PNPT1: variants seen among roughly 807,000 people sequenced by gnomAD.
PNPT1 encodes polyribonucleotide nucleotidyltransferase 1, mitochondrial.
PNPT1 carries 53 observed loss-of-function variants against 119.5 expected under a neutral mutation model. The observed-to-expected ratio is 0.44, with a 90% CI of 0.36 to 0.56. The LOEUF is 0.56. Ranked by LOEUF, PNPT1 falls within the 20% of genes least tolerant of loss-of-function variation. PNPT1 has a pLI of 0.00. For synonymous variants in PNPT1, 357 were observed against 322.1 expected (o/e 1.11, Z -1.16); for missense variants, 948 against 938.5 (o/e 1.01, Z -0.13).
chr2:55,683,727 G>C (rs1697315336), intron 5 of PNPT1, 58 bp downstream of exon 5: 6 of 1,442,618 alleles, frequency 4.2e-6, no homozygotes, highest in Non-Finnish European at 5.8e-6. Flanking sequence ...ATATTACAGA[G>C]ATTCATTAAG....
intron 1 of PNPT1, among the ~76,000 whole-genome samples, chr2:55,693,210 T>C (rs1697678358): frequency 6.6e-6 from 1 of 152,168 alleles, no homozygotes; most frequent in Non-Finnish European, 1.5e-5. Flanking sequence ...GAGTGGGACG[T>C]GGGGGACCCG....
intron 8 of PNPT1, among the ~76,000 whole-genome samples, chr2:55,679,079 T>C (rs1559108765): frequency 6.6e-6 from 1 of 152,292 alleles, no homozygotes; most frequent in African/African-American, 2.4e-5. Context: ...TCCAGGTCAT[T>C]CTGACTGCTA....
Position 55,662,007 on chromosome 2 carries a change from A to C in PNPT1, c.1196T>G (p.Phe399Cys), listed in dbSNP as rs572197911. Reference protein sequence around the residue: ...GQTQVLCTVTFDSLESGIKSD... With the variant: ...GQTQVLCTVTCDSLESGIKSD... ...CTTAATACCAGATTCTAATGAATCA[A>C]ATGTAACGGTACAAAGCACCTAAAA... The change falls in exon 14 of 28, where the codon TTT becomes TGT. Residue 399 changes from phenylalanine to cysteine, a missense_variant. Physicochemically the swap from Phe to Cys is radical, Grantham distance 205 (BLOSUM62 -2). Coordinates refer to ENST00000447944, the MANE Select transcript of PNPT1 (RefSeq NM_033109.5). The C allele has an allele frequency of 1.9e-6, 3 of 1,579,388 alleles. No individual in the cohort carries two copies. In the South Asian group the frequency reaches 3.6e-5, roughly 19 times the overall value.
At chr2:55,646,552 GAAACATTTCAAA>G in intron 19 of PNPT1, 66 bp from the exon 20 acceptor site, 1 of 1,333,952 alleles carries the variant, frequency 7.5e-7, no homozygotes, top group Non-Finnish European at 1.0e-6. Context: ...ATTCACTGTA[GAAACATTTCAAA>G]AAACAGCTTT....
At chr2:55,660,358 G>T (rs1484344265) in intron 14 of PNPT1, among the ~76,000 whole-genome samples, 165 bp from the exon 15 acceptor site, 2 of 152,174 alleles carry the variant, frequency 1.3e-5, no homozygotes, top group Non-Finnish European at 2.9e-5. Context: ...ATGATTGTGA[G>T]ATGATATTTT....
chr2:55,687,301 G>T (rs1228992048), intron 2 of PNPT1, among the ~76,000 whole-genome samples: 1 of 151,824 alleles, frequency 6.6e-6, no homozygotes, highest in African/African-American at 2.4e-5. Context: ...TTAGCTGGGT[G>T]TGGTGGTGCA....
chr2:55,663,419 TAGA>T (rs922640988), intron 13 of PNPT1, among the ~76,000 whole-genome samples: 10 of 152,296 alleles, frequency 6.6e-5, no homozygotes, highest in South Asian at 4.1e-4. Flanking sequence ...GTTGCAATTC[TAGA>T]AGAAGAGAGA....
In PNPT1 at chr2:55,649,700, A is replaced by T. The variant is rs137950105; in HGVS notation, c.1496-2247T>A. Among the ~76,000 whole-genome samples, 20 of 152,294 alleles carry T rather than the reference A, an allele frequency of 1.3e-4. No homozygotes were observed. The East Asian group carries it at 3.9e-3, about 29-fold the overall frequency. ...CCACTGTTTTCCATAAAATCCTTCA[A>T]GTTCCCCATTGCCTACTTTCAGGAA... On this transcript the variant is annotated intron_variant, in intron 18 of 27. Transcript: ENST00000447944.
chr2:55,668,942 TTAATC>T lies in PNPT1; in HGVS notation c.977-989_977-985del, dbSNP rs368334293. ...AGTAGACACCCTCACTCTTTTGCCT[TTAATC>T]TAAATCTGCAAATTGGGGAAAAATT... is the stretch of plus-strand genomic sequence containing the variant. On this transcript the variant is annotated intron_variant, in intron 11 of 27. Coordinates refer to ENST00000447944, the MANE Select transcript of PNPT1 (RefSeq NM_033109.5). Among the ~76,000 whole-genome samples the T allele has an allele frequency of 2.5e-4, 38 of 152,352 alleles. 2 individuals carry two copies. In the East Asian group the frequency reaches 7.1e-3, roughly 29 times the overall value.
At chr2:55,681,310 G>A (rs2104159045) in intron 5 of PNPT1, among the ~76,000 whole-genome samples, 1 of 152,236 alleles carries the variant, frequency 6.6e-6, no homozygotes, top group Admixed American at 6.5e-5. Context: ...AGGAGGCTGA[G>A]GCAGAAGAAT....
At chr2:55,674,536 T>C (rs1697007221) in intron 8 of PNPT1, among the ~76,000 whole-genome samples, 1 of 152,130 alleles carries the variant, frequency 6.6e-6, no homozygotes, top group Admixed American at 6.6e-5. Flanking sequence ...GAGGTTGCAG[T>C]GAGCTGAGAT....
At chr2:55,692,889 C>T (rs1480023238) in intron 1 of PNPT1, among the ~76,000 whole-genome samples, 1 of 152,054 alleles carries the variant, frequency 6.6e-6, no homozygotes, top group African/African-American at 2.4e-5. Flanking sequence ...GGTGTGAGCG[C>T]CTGACCTTTT....
At chr2:55,683,475 T>C (rs982889149) in intron 5 of PNPT1, among the ~76,000 whole-genome samples, 2 of 151,990 alleles carry the variant, frequency 1.3e-5, no homozygotes, top group East Asian at 1.9e-4. Context: ...TAGTCGGGCA[T>C]GGTGGTGCGT....
intron 10 of PNPT1, among the ~76,000 whole-genome samples, chr2:55,671,702 C>T (rs569202117): frequency 2.8e-4 from 42 of 152,252 alleles, no homozygotes; most frequent in Non-Finnish European, 4.7e-4. Flanking sequence ...AGTGTGGTGG[C>T]GTGCACCTGT....
intron 11 of PNPT1, among the ~76,000 whole-genome samples, chr2:55,668,676 C>T (rs983287029): frequency 3.3e-5 from 5 of 151,124 alleles, no homozygotes; most frequent in African/African-American, 4.9e-5. Flanking sequence ...CTCAGCTCAC[C>T]GCAACCATCG....
chr2:55,671,720 G>C (rs1264907517), intron 10 of PNPT1, among the ~76,000 whole-genome samples: 2 of 152,200 alleles, frequency 1.3e-5, no homozygotes, highest in African/African-American at 2.4e-5. Flanking sequence ...TGTAATCCCA[G>C]CTACTTGGGA....
chr2:55,670,565 T>C (rs782634), intron 11 of PNPT1, among the ~76,000 whole-genome samples: 72,159 of 152,008 alleles, frequency 0.47, 18,244 homozygotes, highest in Non-Finnish European at 0.56. Context: ...TATCTTATGA[T>C]TCCACTAGGT....
At chr2:55,685,550 C>G (rs1697380073) in intron 3 of PNPT1, among the ~76,000 whole-genome samples, 1 of 152,054 alleles carries the variant, frequency 6.6e-6, no homozygotes, top group South Asian at 2.1e-4. Flanking sequence ...AAAAAGTCTT[C>G]TACTCAACAG....
At chr2:55,682,678 C>G (rs917316470) in intron 5 of PNPT1, among the ~76,000 whole-genome samples, 2 of 152,028 alleles carry the variant, frequency 1.3e-5, no homozygotes, top group Admixed American at 1.3e-4. Flanking sequence ...GAGGCTGAGG[C>G]AGGAGGATCG....
Sources: allele counts gnomAD v4.1 joint callset (sites outside exome capture counted in the v4.1 genomes callset), GRCh38; gene constraint gnomAD v4.1.1; transcripts MANE v1.5; gene names NCBI Gene and HGNC (gene_info 2026-07-23, HGNC 2026-07-21).